Variants in MCOLN3 observed in about 807,000 individuals in gnomAD.
MCOLN3 encodes mucolipin-3.
A neutral mutation model predicts 69.4 loss-of-function variants in MCOLN3; 62 were observed. The ratio of observed to expected loss-of-function variants is 0.89; its 90% CI spans 0.73 to 1.10. The LOEUF (loss-of-function observed/expected upper bound fraction) is 1.10. Ranked by LOEUF, MCOLN3 falls within the 50% of genes least tolerant of loss-of-function variation. The pLI is 0.00. For missense variants in MCOLN3, 564 were observed against 656.4 expected (o/e 0.86, Z 1.54); for synonymous variants, 183 against 217.0 (o/e 0.84, Z 1.38).
rs1457045828 is a variant in MCOLN3 at position 85,041,816 on chromosome 1, G to C, written c.229-639C>G. Among the ~76,000 whole-genome samples the C allele has an allele frequency of 2.8e-5, 4 of 143,642 alleles. No homozygotes were observed. In the East Asian group the frequency reaches 8.2e-4, roughly 29 times the overall value. 94.2% of individuals were successfully genotyped at this position (143,642 alleles called of 152,430 possible). A position where few individuals can be genotyped will look rare whatever the true frequency, so the allele number is the denominator to read the frequency against. On this transcript the variant is annotated intron_variant, in intron 2 of 12. Coordinates refer to ENST00000370589, the MANE Select transcript of MCOLN3 (RefSeq NM_018298.11). ...ACCCGGGAGGCAGAGGTTGCTATGA[G>C]CTGAGATTGTGCCATTGTACTCCAG... is the stretch of plus-strand genomic sequence containing the variant.
chr1:85,021,013 C>T, intron 12 of MCOLN3, 57 bp downstream of exon 12: 2 of 1,314,290 alleles, frequency 1.5e-6, no homozygotes, highest in South Asian at 1.4e-5. Flanking sequence ...CTGAATTTTA[C>T]TGCTACTCTA....
chr1:85,030,650 A>G (rs112873301), intron 6 of MCOLN3, among the ~76,000 whole-genome samples: 177 of 152,350 alleles, frequency 1.2e-3, no homozygotes, highest in African/African-American at 4.1e-3. Flanking sequence ...TAAACACAGG[A>G]AACATTAAGA....
At chr1:85,038,717 G>A (rs1295925147) in intron 3 of MCOLN3, among the ~76,000 whole-genome samples, 1 of 152,144 alleles carries the variant, frequency 6.6e-6, no homozygotes, top group Non-Finnish European at 1.5e-5. Context: ...TTGGCCAGGT[G>A]CAGTGGCTCA....
At chr1:85,031,336 C>A (rs1652512145) in intron 6 of MCOLN3, among the ~76,000 whole-genome samples, 1 of 150,638 alleles carries the variant, frequency 6.6e-6, no homozygotes, top group South Asian at 2.1e-4. Context: ...CACAATATGG[C>A]AACTATAGTT....
chr1:85,044,135 T>C (rs562117560), intron 2 of MCOLN3, among the ~76,000 whole-genome samples: 15 of 152,282 alleles, frequency 9.9e-5, no homozygotes, highest in African/African-American at 3.4e-4. Context: ...TAGAATTAAA[T>C]GAAATAATGT....
intron 9 of MCOLN3, among the ~76,000 whole-genome samples, chr1:85,024,037 AG>A (rs1652092145): frequency 6.6e-6 from 1 of 152,030 alleles, no homozygotes; most frequent in Admixed American, 6.6e-5. Context: ...AGACACCGAA[AG>A]AATGAGATTT....
chr1:85,041,944 C>T (rs1369647285), intron 2 of MCOLN3, among the ~76,000 whole-genome samples: 1 of 145,182 alleles, frequency 6.9e-6, no homozygotes, highest in Non-Finnish European at 1.5e-5. Flanking sequence ...CTCATCCAAA[C>T]CTCTCTCTCT....
At chr1:85,037,742 G>A (rs1652865623) in intron 3 of MCOLN3, among the ~76,000 whole-genome samples, 1 of 152,184 alleles carries the variant, frequency 6.6e-6, no homozygotes, top group Admixed American at 6.5e-5. Flanking sequence ...AGGGTTACGG[G>A]ACAGAAATGT....
At position 85,041,060 on chromosome 1, in the gene MCOLN3, C is replaced by G. The variant is rs1290065783; in HGVS notation, c.346G>C (p.Val116Leu). Residue 116 changes from valine to leucine, a missense_variant, in exon 3 of 13, where the codon GTG becomes CTG. Val to Leu is a conservative substitution (Grantham distance 32). Coordinates refer to ENST00000370589, the MANE Select transcript of MCOLN3 (RefSeq NM_018298.11). ...TCATACACGTCACTTTGTGTGTACA[C>G]TGCATATGTGTCATCCATTCGGTCC... ...YMDRMDDTYA[V>L]YTQSDVYDQL... 1 of 1,614,024 alleles carries G rather than the reference C, an allele frequency of 6.2e-7. No homozygotes were observed. Among genetic ancestry groups the G allele is most frequent in the Non-Finnish European group, 8.5e-7 (1 of 1,179,978 alleles).
chr1:85,045,460 C>T, intron 1 of MCOLN3, 98 bp from the exon 2 acceptor site: 2 of 944,348 alleles, frequency 2.1e-6, no homozygotes, highest in Admixed American at 2.9e-5. Flanking sequence ...GAAGCCCATA[C>T]AGAAGTCCTG....
At chr1:85,032,599 A>AT (rs945865065) in intron 6 of MCOLN3, 97 bp downstream of exon 6, 20 of 909,920 alleles carry the variant, frequency 2.2e-5, no homozygotes, top group Non-Finnish European at 3.4e-5. Flanking sequence ...AACATCCTAT[A>AT]TTTTTTTATC....
At chr1:85,028,911 G>A (rs1177970457) in intron 7 of MCOLN3, among the ~76,000 whole-genome samples, 195 bp downstream of exon 7, 1 of 152,142 alleles carries the variant, frequency 6.6e-6, no homozygotes, top group Non-Finnish European at 1.5e-5. Flanking sequence ...GGCACAAGGA[G>A]AGGAAGGCCA....
chr1:85,031,269 CAAAAA>C (rs60048551), intron 6 of MCOLN3, among the ~76,000 whole-genome samples: 3 of 97,564 alleles, frequency 3.1e-5, no homozygotes, highest in African/African-American at 3.7e-5. Context: ...GAATCCATCT[CAAAAA>C]AAAAAAAAAA....
intron 7 of MCOLN3, among the ~76,000 whole-genome samples, chr1:85,026,820 G>A (rs1652248645): frequency 6.7e-6 from 1 of 149,430 alleles, no homozygotes; most frequent in South Asian, 2.1e-4. Context: ...TAAGCCTGTA[G>A]TCTTTTGTTC....
chr1:85,036,036 A>G (rs1050790984), intron 3 of MCOLN3, among the ~76,000 whole-genome samples: 2 of 152,096 alleles, frequency 1.3e-5, no homozygotes, highest in Non-Finnish European at 2.9e-5. Context: ...TTTGTTTTGT[A>G]TTTCACAGTA....
intron 12 of MCOLN3, 112 bp from the exon 13 acceptor site, chr1:85,019,369 A>G (rs1364424788): frequency 1.9e-6 from 2 of 1,028,524 alleles, no homozygotes; most frequent in East Asian, 2.5e-5. Flanking sequence ...GAGAGATAGT[A>G]TCGTTACTCC....
At chr1:85,038,622 G>A (rs569359874) in intron 3 of MCOLN3, among the ~76,000 whole-genome samples, 1 of 152,108 alleles carries the variant, frequency 6.6e-6, no homozygotes, top group African/African-American at 2.4e-5. Flanking sequence ...GTTCCTCTCA[G>A]TAACAATCAC....
At chr1:85,030,059 T>G (rs1005137865) in intron 6 of MCOLN3, 1 of 152,218 alleles carries the variant, frequency 6.6e-6, no homozygotes, top group Non-Finnish European at 1.5e-5. Flanking sequence ...TTTCTCCTCA[T>G]GAGGGATTGT....
chr1:85,034,170 G>A lies in MCOLN3; in HGVS notation c.478C>T (p.Gln160Ter), dbSNP rs1652686484. 6.2e-7 allele frequency: 1 copy of A among 1,614,084 alleles called. No individual in the cohort carries two copies. Among genetic ancestry groups the A allele is most frequent in the African/African-American group, 1.3e-5 (1 of 74,930 alleles). ...ATGTTTCCTCGCTTGTAGAAGTGCT[G>A]ACAGATTGCCATAGCAGATTGCTTG... The part of the protein sequence containing the change: ...GTKQSAMAIC[Q>*]HFYKRGNIYP... The change falls in exon 4 of 13, where the codon CAG (glutamine) becomes TAG (stop). Residue 160 changes from glutamine (Q) to a stop codon, truncating the protein, a stop_gained. Coordinates refer to ENST00000370589, the MANE Select transcript of MCOLN3 (RefSeq NM_018298.11). LOFTEE classifies it high-confidence loss of function.
Sources: gnomAD v4.1 joint callset for allele counts (sites outside exome capture counted in the v4.1 genomes callset) on GRCh38, gnomAD v4.1.1 for gene constraint, MANE v1.5 for transcripts, NCBI Gene and HGNC (gene_info 2026-07-23, HGNC 2026-07-21) for gene names.